Variants in HMG20A observed in about 807,000 individuals in gnomAD.
HMG20A encodes high mobility group 20A.
HMG20A carries 17 observed loss-of-function variants against 43.9 expected under a neutral mutation model. The observed-to-expected ratio is 0.39, with a 90% confidence interval of 0.27 to 0.58. HMG20A has a LOEUF of 0.58. HMG20A is among the 20% of genes least tolerant of loss of function. The pLI, the probability that HMG20A is intolerant of heterozygous loss-of-function variation, is 0.59. For synonymous variants in HMG20A, 132 were observed against 147.5 expected, an observed-to-expected ratio of 0.89 and a Z score of 0.76; for missense variants, 341 against 438.2, an observed-to-expected ratio of 0.78 and a Z score of 1.98.
At chr15:77,421,220 G>A (rs575554291) in intron 1 of HMG20A, 154 of 310,366 alleles carry the variant, frequency 5.0e-4, no homozygotes, top group African/African-American at 3.1e-3. Flanking sequence ...TGGTTTGGGG[G>A]TGTCCGACCC....
chr15:77,507,974 A>T, the HMG20A span, among the ~76,000 whole-genome samples: 1 of 151,986 alleles, frequency 6.6e-6, no homozygotes, highest in South Asian at 2.1e-4. Context: ...CACCTCTGTG[A>T]GTCTGAGCTT....
At chr15:77,503,843 A>AT in the HMG20A span, among the ~76,000 whole-genome samples, 1 of 152,076 alleles carries the variant, frequency 6.6e-6, no homozygotes, top group Non-Finnish European at 1.5e-5. Flanking sequence ...CTCGCCTGTG[A>AT]TATGTATGCT....
the HMG20A span, among the ~76,000 whole-genome samples, chr15:77,506,693 G>A: frequency 6.6e-6 from 1 of 152,224 alleles, no homozygotes; most frequent in Non-Finnish European, 1.5e-5. Flanking sequence ...CCCAGCCCAC[G>A]TTCCGGTTTT....
At chr15:77,449,952 A>G (rs2073717649) in intron 1 of HMG20A, among the ~76,000 whole-genome samples, 1 of 145,352 alleles carries the variant, frequency 6.9e-6, no homozygotes. Context: ...CCACCTATTC[A>G]TCCTACTCCC....
the HMG20A span, among the ~76,000 whole-genome samples, chr15:77,494,398 T>C: frequency 6.6e-6 from 1 of 152,230 alleles, no homozygotes; most frequent in Non-Finnish European, 1.5e-5. Flanking sequence ...CCCAAAGTGC[T>C]GGGATTACAG....
chr15:77,457,045 G>A (rs1398201937), intron 1 of HMG20A, among the ~76,000 whole-genome samples: 2 of 152,188 alleles, frequency 1.3e-5, no homozygotes, highest in East Asian at 1.9e-4. Context: ...CTACTGTAAT[G>A]GGTAATATTT....
At chr15:77,501,813 C>T in the HMG20A span, among the ~76,000 whole-genome samples, 1 of 152,158 alleles carries the variant, frequency 6.6e-6, no homozygotes, top group Non-Finnish European at 1.5e-5. Context: ...GAGCCACTCT[C>T]TAGGAGGGAA....
At position 77,466,986 on chromosome 15, in the gene HMG20A, A is replaced by C. The variant is rs1231954643; in HGVS notation, c.238-109A>C. The C allele has an allele frequency of 4.6e-6, 4 of 877,956 alleles. No individual in the cohort carries two copies. In the African/African-American group the frequency reaches 6.8e-5, roughly 15 times the overall value. 54.4% of individuals were successfully genotyped at this position (877,956 alleles called of 1,614,324 possible). A position where few individuals can be genotyped will look rare whatever the true frequency, so the allele number is the denominator to read the frequency against. On this transcript the variant is annotated intron_variant, in intron 3 of 9. Coordinates refer to ENST00000336216, the MANE Select transcript of HMG20A (RefSeq NM_001304504.2). ...CTTTGAATATCCAGGGCCAAATTGC[A>C]ACTCTTAATCCTGTTTTGTTTGTTG...
At chr15:77,498,769 A>G in the HMG20A span, among the ~76,000 whole-genome samples, 1 of 152,214 alleles carries the variant, frequency 6.6e-6, no homozygotes, top group Non-Finnish European at 1.5e-5. Context: ...GGGTTCTACA[A>G]AGACACCGTC....
chr15:77,464,658 A>G (rs951819070), intron 3 of HMG20A: 1 of 299,430 alleles, frequency 3.3e-6, no homozygotes, highest in African/African-American at 2.2e-5. Flanking sequence ...TGAGTGAATG[A>G]TTTAATCATT....
chr15:77,430,397 G>A (rs2073472239), intron 1 of HMG20A, among the ~76,000 whole-genome samples: 1 of 152,210 alleles, frequency 6.6e-6, no homozygotes, highest in African/African-American at 2.4e-5. Flanking sequence ...CTTTTGCTAA[G>A]AACAGGAAAG....
intron 1 of HMG20A, among the ~76,000 whole-genome samples, chr15:77,429,401 A>G (rs974290340): frequency 1.3e-5 from 2 of 150,576 alleles, no homozygotes; most frequent in South Asian, 2.1e-4. Flanking sequence ...CTCAAAATTC[A>G]TATCTCCTTT....
intron 1 of HMG20A, among the ~76,000 whole-genome samples, chr15:77,446,215 C>T (rs1309233205): frequency 6.6e-6 from 1 of 152,026 alleles, no homozygotes; most frequent in Non-Finnish European, 1.5e-5. Flanking sequence ...TTACCTAACC[C>T]ATTCAATTCT....
chr15:77,438,622 A>G (rs2073576223), intron 1 of HMG20A, among the ~76,000 whole-genome samples: 2 of 152,128 alleles, frequency 1.3e-5, no homozygotes, highest in Admixed American at 1.3e-4. Context: ...ATTGTTTTTG[A>G]AGCTGGTTTT....
At chr15:77,497,780 C>A in the HMG20A span, among the ~76,000 whole-genome samples, 1 of 150,990 alleles carries the variant, frequency 6.6e-6, no homozygotes, top group South Asian at 2.1e-4. Flanking sequence ...CTTGGACAGC[C>A]TTTCAGTTCT....
chr15:77,467,805 A>G (rs12905548), intron 4 of HMG20A, among the ~76,000 whole-genome samples: 12,905 of 152,256 alleles, frequency 0.085, 621 homozygotes, highest in Non-Finnish European at 0.1. Flanking sequence ...CCTCTAAGAC[A>G]GAAACTAACC....
chr15:77,445,199 G>C (rs985095344), intron 1 of HMG20A, among the ~76,000 whole-genome samples: 2 of 152,188 alleles, frequency 1.3e-5, no homozygotes, highest in Non-Finnish European at 2.9e-5. Flanking sequence ...TTTATTGCCT[G>C]TAAAAGGAAG....
At chr15:77,493,699 C>A in the HMG20A span, among the ~76,000 whole-genome samples, 1 of 152,042 alleles carries the variant, frequency 6.6e-6, no homozygotes, top group Non-Finnish European at 1.5e-5. Context: ...GGAATACAGC[C>A]ATTTTGGTGG....
intron 2 of HMG20A, among the ~76,000 whole-genome samples, chr15:77,463,007 A>T (rs963833625): frequency 6.6e-6 from 1 of 151,872 alleles, no homozygotes; most frequent in Non-Finnish European, 1.5e-5. Context: ...CCTGACCTCA[A>T]GTGATCCACC....
Sources: allele counts gnomAD v4.1 joint callset (sites outside exome capture counted in the v4.1 genomes callset), GRCh38; gene constraint gnomAD v4.1.1; transcripts MANE v1.5; gene names NCBI Gene and HGNC (gene_info 2026-07-23, HGNC 2026-07-21).